Variants in HEATR5B observed in about 807,000 individuals in gnomAD.
HEATR5B encodes HEAT repeat-containing protein 5B.
HEATR5B carries 156 observed loss-of-function variants against 224.1 expected under a neutral mutation model. That is an observed-to-expected ratio of 0.70 (90% CI 0.61 to 0.80). The LOEUF (loss-of-function observed/expected upper bound fraction) is 0.80, where lower values mean the gene tolerates loss of function less well. Ranked by LOEUF, HEATR5B falls within the 30% of genes least tolerant of loss-of-function variation. The pLI, the probability that HEATR5B is intolerant of heterozygous loss-of-function variation, is 0.00. For missense variants in HEATR5B, 2,323 were observed against 2,535.5 expected (o/e 0.92, Z 1.80); for synonymous variants, 1,027 against 893.0 (o/e 1.15, Z -2.68).
At chr2:37,030,641 T>C (rs1328450575) in intron 22 of HEATR5B, among the ~76,000 whole-genome samples, 1 of 152,210 alleles carries the variant, frequency 6.6e-6, no homozygotes, top group Non-Finnish European at 1.5e-5. Context: ...CTATTCCCAC[T>C]TTTCCCAACA....
Position 37,059,464 on chromosome 2 carries a change from A to ATATATT in HEATR5B, c.1850-478_1850-477insAATATA, listed in dbSNP as rs1428386666. ...TGTGTGTGTATATATATATATATAT[A>ATATATT]TTTTTTTTTTTTTTTTTTTGAGAGA... On this transcript the variant is annotated intron_variant, in intron 12 of 35. Coordinates refer to ENST00000233099, the MANE Select transcript of HEATR5B (RefSeq NM_019024.3). Among the ~76,000 whole-genome samples the ATATATT allele has an allele frequency of 1.0e-3, 69 of 65,820 alleles. 1 individual carries two copies. Among genetic ancestry groups the ATATATT allele is most frequent in the East Asian group, 8.9e-3 (20 of 2,236 alleles). 43.2% of individuals were successfully genotyped at this position (65,820 alleles called of 152,430 possible). A position where few individuals can be genotyped will look rare whatever the true frequency, so the allele number is the denominator to read the frequency against.
At chr2:37,026,988 G>A (rs898051288) in intron 24 of HEATR5B, among the ~76,000 whole-genome samples, 12 of 152,082 alleles carry the variant, frequency 7.9e-5, no homozygotes, top group African/African-American at 2.9e-4. Flanking sequence ...TAGTAGAGAT[G>A]GGGTTTCAGC....
chr2:36,994,654 T>C (rs555757391), intron 33 of HEATR5B, among the ~76,000 whole-genome samples: 1 of 152,322 alleles, frequency 6.6e-6, no homozygotes, highest in East Asian at 1.9e-4. Flanking sequence ...ATGAACTAGC[T>C]TGATAACATA....
rs1670596441 is a variant in HEATR5B at position 37,052,132 on chromosome 2, T to C, written c.2505+1370A>G. Among the ~76,000 whole-genome samples the C allele has an allele frequency of 3.9e-5, 6 of 152,258 alleles. No individual in the cohort carries two copies. In the South Asian group the frequency reaches 1.2e-3, roughly 31 times the overall value. On this transcript the variant is annotated intron_variant, in intron 17 of 35. Coordinates refer to ENST00000233099, the MANE Select transcript of HEATR5B (RefSeq NM_019024.3). ...TTAAGCATGACCTAAGACATGTTCA[T>C]GCAAACACATATTTGCTACCATTTT...
chr2:36,992,032 T>C (rs1306459387), intron 33 of HEATR5B, among the ~76,000 whole-genome samples: 2 of 152,028 alleles, frequency 1.3e-5, no homozygotes, highest in Non-Finnish European at 2.9e-5. Context: ...ACATCATTTC[T>C]ACTAAAAATA....
Position 37,062,429 on chromosome 2 carries a change from C to A in HEATR5B, c.1585-379G>T, listed in dbSNP as rs963360723. 2.2e-4 allele frequency among the ~76,000 whole-genome samples: 34 copies of A among 151,634 alleles called. 1 individual carries two copies. The East Asian group carries it at 6.2e-3, about 28-fold the overall frequency. On this transcript the variant is annotated intron_variant, in intron 10 of 35. Coordinates refer to ENST00000233099, the MANE Select transcript of HEATR5B (RefSeq NM_019024.3). Reference sequence around the variant, plus strand: ...TGGGTGACAGAGCGAGACTCCGTCTCCAAAAAAAAAAGAAGTTGTCCTCTC... The same window carrying A: ...TGGGTGACAGAGCGAGACTCCGTCTACAAAAAAAAAAGAAGTTGTCCTCTC...
At chr2:36,988,253 C>A (rs976984886) in intron 35 of HEATR5B, among the ~76,000 whole-genome samples, 14 of 151,716 alleles carry the variant, frequency 9.2e-5, no homozygotes, top group Non-Finnish European at 1.6e-4. Context: ...GAAGCAAAGG[C>A]CTGGTTTTTT....
At position 36,981,422 on chromosome 2, in the gene HEATR5B, A is replaced by G. The variant is rs901800396; in HGVS notation, c.*68T>C. ...AAACAGAACCCATAGGTAGCCTGGA[A>G]TGATACAGTGGCCATCACTAATTAG... is the stretch of plus-strand genomic sequence containing the variant. On this transcript the variant is annotated 3_prime_UTR_variant, in exon 36 of 36. Transcript: ENST00000233099. 4.1e-6 allele frequency: 5 copies of G among 1,207,366 alleles called. No homozygotes were observed. The highest frequency in any genetic ancestry group is 2.8e-4 in the Middle Eastern group (1 of 3,608). 74.8% of individuals were successfully genotyped at this position (1,207,366 alleles called of 1,614,324 possible).
chr2:37,059,707 G>A (rs756601921), intron 12 of HEATR5B, among the ~76,000 whole-genome samples: 81 of 151,590 alleles, frequency 5.3e-4, no homozygotes, highest in Non-Finnish European at 1.0e-3. Flanking sequence ...TGATCCACCC[G>A]CCTTGGCTTC....
intron 20 of HEATR5B, among the ~76,000 whole-genome samples, chr2:37,039,295 T>C (rs1283852077): frequency 4.6e-5 from 7 of 152,094 alleles, no homozygotes; most frequent in African/African-American, 1.7e-4. Flanking sequence ...TGAAACCCTG[T>C]CTCTACTAAA....
intron 21 of HEATR5B, among the ~76,000 whole-genome samples, chr2:37,034,592 G>A (rs1255060285): frequency 9.1e-6 from 1 of 110,058 alleles, no homozygotes; most frequent in Non-Finnish European, 1.7e-5. Flanking sequence ...CAGCCTGGGC[G>A]ACACAGCGAG....
chr2:37,064,839 C>T lies in HEATR5B; in HGVS notation c.1485G>A (p.Lys495=), dbSNP rs751920158. 9 of 1,614,000 alleles carry T rather than the reference C, an allele frequency of 5.6e-6. No individual in the cohort carries two copies. Among genetic ancestry groups the T allele is most frequent in the Non-Finnish European group, 7.6e-6 (9 of 1,180,016 alleles). ...DRCAERLNNL[K]TSPEAVSGYS... ...ATCCACTGACAGCTTCTGGTGAGGT[C>T]TTCAAGTTGTTGAGCCGTTCTGCAC... Residue 495 remains lysine, a synonymous_variant, in exon 10 of 36, where the codon AAG becomes AAA. Transcript: ENST00000233099.
chr2:37,079,165 A>C lies in HEATR5B; in HGVS notation c.293T>G (p.Ile98Ser). 3 of 1,610,380 alleles carry C rather than the reference A, an allele frequency of 1.9e-6. No individual in the cohort carries two copies. The highest frequency in any genetic ancestry group is 2.5e-6 in the Non-Finnish European group (3 of 1,177,306). The change falls in exon 3 of 36, where the codon ATT (isoleucine) becomes AGT (serine). Residue 98 changes from isoleucine to serine, a missense_variant. Around this residue, in one of 12 missense-constraint regions of HEATR5B, gnomAD observed 292 missense variants for 332.6 expected, o/e 0.88. Transcript: ENST00000233099. ...VFQTLDKCND[I>S]IRNKDDTAAY... ...CGCAGTGTCATCTTTATTTCTGATAATGTCATTGCATTTATCAAGTGTCTG... is the reference window on the plus strand; with the variant it reads ...CGCAGTGTCATCTTTATTTCTGATACTGTCATTGCATTTATCAAGTGTCTG...
intron 15 of HEATR5B, 76 bp downstream of exon 15, chr2:37,057,241 C>A (rs1270507900): frequency 1.8e-6 from 2 of 1,137,648 alleles, no homozygotes; most frequent in Admixed American, 2.9e-5. Context: ...ACACTATTTT[C>A]TTTTTAAGTG....
At chr2:37,080,400 G>C (rs1471159156) in intron 2 of HEATR5B, among the ~76,000 whole-genome samples, 1 of 152,168 alleles carries the variant, frequency 6.6e-6, no homozygotes, top group Non-Finnish European at 1.5e-5. Context: ...GGAAGCAGAT[G>C]CAATAATCCA....
chr2:37,081,785 A>G (rs543459219), intron 2 of HEATR5B, among the ~76,000 whole-genome samples: 7 of 152,318 alleles, frequency 4.6e-5, no homozygotes, highest in Admixed American at 2.0e-4. Context: ...GTGAAAGTTC[A>G]CATACTGAAC....
chr2:37,012,633 G>A (rs547361773), intron 27 of HEATR5B, among the ~76,000 whole-genome samples: 11 of 152,156 alleles, frequency 7.2e-5, no homozygotes, highest in African/African-American at 1.2e-4. Flanking sequence ...CAGGTGATCC[G>A]CCTGCCTCGG....
chr2:37,056,287 T>C (rs527281777), intron 16 of HEATR5B, among the ~76,000 whole-genome samples, 153 bp downstream of exon 16: 4 of 152,368 alleles, frequency 2.6e-5, no homozygotes, highest in African/African-American at 9.6e-5. Flanking sequence ...TTTTATCATG[T>C]ATCTGTCACT....
intron 33 of HEATR5B, among the ~76,000 whole-genome samples, chr2:36,994,931 T>C (rs902894123): frequency 1.3e-5 from 2 of 151,838 alleles, no homozygotes; most frequent in African/African-American, 4.8e-5. Context: ...TTTGTATTTT[T>C]AGTAGAGACG....
Sources: gnomAD v4.1 joint callset for allele counts (sites outside exome capture counted in the v4.1 genomes callset) on GRCh38, gnomAD v4.1.1 for gene constraint, gnomAD v4.1.1 regional missense constraint, MANE v1.5 for transcripts, NCBI Gene and HGNC (gene_info 2026-07-23, HGNC 2026-07-21) for gene names.